The following CACNA1B variants were observed in gnomAD, a reference collection of about 807,000 sequenced individuals.
CACNA1B encodes the protein voltage-dependent N-type calcium channel subunit alpha-1B.
CACNA1B carries 70 observed loss-of-function variants against 247.2 expected under a neutral mutation model. The observed-to-expected ratio is 0.28, with a 90% CI of 0.23 to 0.35. The LOEUF is 0.35. Ranked by LOEUF, CACNA1B falls within the 10% of genes least tolerant of loss-of-function variation. The pLI is 1.00. For synonymous variants in CACNA1B, 1,231 were observed against 1,294.4 expected, an observed-to-expected ratio of 0.95 and a Z score of 1.05; for missense variants, 2,367 against 3,197.4, an observed-to-expected ratio of 0.74 and a Z score of 6.26.
At chr9:137,934,230 G>T (rs1957639034) in intron 6 of CACNA1B, among the ~76,000 whole-genome samples, 1 of 152,184 alleles carries the variant, frequency 6.6e-6, no homozygotes, top group South Asian at 2.1e-4. Flanking sequence ...CAGGTCCAGG[G>T]CTTCAGTTAT....
chr9:138,043,912 T>C lies in CACNA1B; in HGVS notation c.3413+12T>C. ...AGCCCCACCAACCTGTGAGTCTCCT[T>C]GCCTGCTGGTGTGTGTGGCCGCCCA... On this transcript the variant is annotated intron_variant, in intron 21 of 46. Coordinates refer to ENST00000371372, the MANE Select transcript of CACNA1B (RefSeq NM_000718.4). 1 of 1,611,030 alleles carries C rather than the reference T, an allele frequency of 6.2e-7. No homozygotes were observed. Among genetic ancestry groups the C allele is most frequent in the Non-Finnish European group, 8.5e-7 (1 of 1,177,508 alleles).
intron 6 of CACNA1B, among the ~76,000 whole-genome samples, chr9:137,947,833 A>G (rs1435355826): frequency 6.7e-6 from 1 of 149,912 alleles, no homozygotes; most frequent in Admixed American, 6.6e-5. Flanking sequence ...GTATGGTATC[A>G]TTTTTTTCTG....
Position 138,050,439 on chromosome 9 carries a change from G to A in CACNA1B, c.3710+1124G>A, listed in dbSNP as rs746614762. 3.5e-4 allele frequency among the ~76,000 whole-genome samples: 54 copies of A among 152,222 alleles called. No individual in the cohort carries two copies. Among genetic ancestry groups the A allele is most frequent in the Admixed American group, 3.2e-3 (49 of 15,284 alleles). On this transcript the variant is annotated intron_variant, in intron 24 of 46. Coordinates refer to ENST00000371372, the MANE Select transcript of CACNA1B (RefSeq NM_000718.4). The surrounding 1 kb of genome is among the most constrained non-coding windows in gnomAD (Gnocchi z 5.2). ...CCGAGGACCGGGGACATCGCGAGGC[G>A]CTCCCGGTGCAGCTCCTCTCTGGAA...
In CACNA1B at chr9:137,963,950, T is replaced by C. The variant is rs998776793; in HGVS notation, c.1333+6263T>C. Among the ~76,000 whole-genome samples the C allele has an allele frequency of 6.8e-4, 104 of 152,212 alleles. 2 individuals are homozygous for C. Among genetic ancestry groups the C allele is most frequent in the Non-Finnish European group, 2.2e-4 (15 of 68,038 alleles). ...AAGGATCTTATTTCTCCTTCACTTA[T>C]GAAGCTTGATTTGGCCAGATATGAA... On this transcript the variant is annotated intron_variant, in intron 10 of 46. Transcript: ENST00000371372.
rs1040369214 is a variant in CACNA1B, at chr9:137,891,566, C to T, written c.530+8683C>T. 4 of 192,832 alleles carry T rather than the reference C, an allele frequency of 2.1e-5. No individual in the cohort carries two copies. The highest frequency in any genetic ancestry group is 5.6e-5 in the Admixed American group (1 of 17,942). The allele number at this position is 192,832 out of a possible 1,614,324, so 11.9% of individuals were successfully genotyped here. On this transcript the variant is annotated intron_variant, in intron 3 of 46. Coordinates refer to ENST00000371372, the MANE Select transcript of CACNA1B (RefSeq NM_000718.4). The surrounding 1 kb of genome is among the most constrained non-coding windows in gnomAD (Gnocchi z 4.3). ...GTCACAGGGGTTCAAGTTCATACCC[C>T]GGGAGGGTGGGAGCCTTGCTCCTGT...
Position 138,073,412 on chromosome 9 carries a change from A to G in CACNA1B, c.4675-76A>G. The G allele has an allele frequency of 1.2e-6, 1 of 809,606 alleles. No individual in the cohort carries two copies. The highest frequency in any genetic ancestry group is 2.2e-6 in the Non-Finnish European group (1 of 459,388). 50.2% of individuals were successfully genotyped at this position (809,606 alleles called of 1,614,324 possible). A position where few individuals can be genotyped will look rare whatever the true frequency, so the allele number is the denominator to read the frequency against. On this transcript the variant is annotated intron_variant, in intron 32 of 46. Coordinates refer to ENST00000371372, the MANE Select transcript of CACNA1B (RefSeq NM_000718.4). This position sits in a 1 kb window ranked among gnomAD's most constrained non-coding sequence, Gnocchi z 6.4. ...TTTGGGGCCACAGGGATGTGGGAAG[A>G]GGTTGTAGGGTGGCAGCAGCTTGCC...
chr9:138,015,515 G>A (rs1368527642), intron 18 of CACNA1B, among the ~76,000 whole-genome samples: 1 of 148,778 alleles, frequency 6.7e-6, no homozygotes, highest in African/African-American at 2.6e-5. Context: ...CTCATTTCCA[G>A]CACCTTGAGC....
chr9:137,878,884 G>A (rs976335507), intron 1 of CACNA1B, among the ~76,000 whole-genome samples, 170 bp from the exon 2 acceptor site: 1 of 152,174 alleles, frequency 6.6e-6, no homozygotes, highest in African/African-American at 2.4e-5. Context: ...AGGGATGGGG[G>A]CAGGGAGTGA....
chr9:137,997,165 C>T (rs920754612), intron 15 of CACNA1B, among the ~76,000 whole-genome samples: 3 of 152,116 alleles, frequency 2.0e-5, no homozygotes, highest in African/African-American at 7.2e-5. Flanking sequence ...GCAGAGTTGC[C>T]GATGGCTGAA....
chr9:138,027,109 T>C (rs988441447), intron 20 of CACNA1B, among the ~76,000 whole-genome samples: 1 of 152,266 alleles, frequency 6.6e-6, no homozygotes, highest in African/African-American at 2.4e-5. Context: ...CTTTTTATTC[T>C]GGCTGTTTGT....
chr9:137,919,294 C>T lies in CACNA1B; in HGVS notation c.966+1863C>T, dbSNP rs959619403. Among the ~76,000 whole-genome samples the T allele has an allele frequency of 6.6e-6, 1 of 152,204 alleles. No individual in the cohort carries two copies. The highest frequency in any genetic ancestry group is 1.5e-5 in the Non-Finnish European group (1 of 68,036). ...CGACACGTAAGGGCATGGACAGTGG[C>T]GAGTGCCGTGAAGAAAACAGAAGAG... On this transcript the variant is annotated intron_variant, in intron 6 of 46. Coordinates refer to ENST00000371372, the MANE Select transcript of CACNA1B (RefSeq NM_000718.4). This position sits in a 1 kb window ranked among gnomAD's most constrained non-coding sequence, Gnocchi z 4.6.
At chr9:137,966,684 A>G (rs1202824727) in intron 10 of CACNA1B, among the ~76,000 whole-genome samples, 2 of 151,740 alleles carry the variant, frequency 1.3e-5, no homozygotes, top group Admixed American at 6.6e-5. Flanking sequence ...GACTACAGGC[A>G]CGTGCCACCA....
intron 16 of CACNA1B, 91 bp downstream of exon 16, chr9:138,006,975 G>A (rs1301616182): frequency 8.4e-6 from 6 of 711,990 alleles, no homozygotes; most frequent in Non-Finnish European, 1.5e-5. Context: ...AGGAGGACTA[G>A]GGGCCGTGGA....
intron 15 of CACNA1B, among the ~76,000 whole-genome samples, chr9:138,003,093 G>A (rs1239653953): frequency 1.3e-5 from 2 of 151,490 alleles, no homozygotes; most frequent in East Asian, 2.0e-4. Flanking sequence ...ACTGTGCCTG[G>A]CCCAAATTTC....
chr9:138,092,219 C>A (rs1202405421), intron 36 of CACNA1B, among the ~76,000 whole-genome samples: 1 of 152,128 alleles, frequency 6.6e-6, no homozygotes, highest in Non-Finnish European at 1.5e-5. Context: ...CTAGAATTTG[C>A]CAGGCTGAAG....
At position 137,917,891 on chromosome 9, in the gene CACNA1B, C is replaced by G. The variant is rs1460356009; in HGVS notation, c.966+460C>G. Among the ~76,000 whole-genome samples, 2 of 152,228 alleles carry G rather than the reference C, an allele frequency of 1.3e-5. No homozygotes were observed. Among genetic ancestry groups the G allele is most frequent in the Non-Finnish European group, 2.9e-5 (2 of 68,048 alleles). ...GACTAACTTTCTCCAGCCCGAGGAC[C>G]ATGGGCAGCTGTTGCTGTGCCACCC... On this transcript the variant is annotated intron_variant, in intron 6 of 46. Coordinates refer to ENST00000371372, the MANE Select transcript of CACNA1B (RefSeq NM_000718.4). The surrounding 1 kb of genome is among the most constrained non-coding windows in gnomAD (Gnocchi z 5.5).
rs1961776039 is a variant in CACNA1B, at chr9:138,114,270, T to G, written c.5537-108T>G. On this transcript the variant is annotated intron_variant, in intron 40 of 46. Transcript: ENST00000371372. ...GTCCCAGTGCATTTCCAGGAGTCTT[T>G]GTGGGGGGCGAGGGAGGGGCGGCTG... 4.6e-6 allele frequency: 3 copies of G among 647,860 alleles called. No homozygotes were observed. The South Asian group carries it at 5.4e-5, about 12-fold the overall frequency. 40.1% of individuals were successfully genotyped at this position (647,860 alleles called of 1,614,324 possible). A position where few individuals can be genotyped will look rare whatever the true frequency, so the allele number is the denominator to read the frequency against.
At chr9:137,939,803 A>AAAATAAATAAAT (rs756173569) in intron 6 of CACNA1B, among the ~76,000 whole-genome samples, 91 of 143,828 alleles carry the variant, frequency 6.3e-4, no homozygotes, top group African/African-American at 8.6e-4. Context: ...ACTCCGTCTC[A>AAAATAAATAAAT]AAATAAATAA....
At chr9:137,968,760 G>C (rs970615755) in intron 10 of CACNA1B, among the ~76,000 whole-genome samples, 8 of 152,204 alleles carry the variant, frequency 5.3e-5, no homozygotes, top group African/African-American at 1.9e-4. Flanking sequence ...GTCTGCCTTA[G>C]GGCACAAGAG....
Sources: allele counts gnomAD v4.1 joint callset (sites outside exome capture counted in the v4.1 genomes callset), GRCh38; gene constraint gnomAD v4.1.1; non-coding constraint Gnocchi (gnomAD v3.1); transcripts MANE v1.5; gene names NCBI Gene and HGNC (gene_info 2026-07-23, HGNC 2026-07-21).